HSD17B12: variants seen among roughly 807,000 people sequenced by gnomAD.
HSD17B12 encodes the protein very-long-chain 3-oxoacyl-CoA reductase.
Under a neutral mutation model 39.3 loss-of-function variants are expected in HSD17B12, and 32 were observed. The ratio of observed to expected loss-of-function variants is 0.81; its 90% confidence interval spans 0.61 to 1.09. The LOEUF (loss-of-function observed/expected upper bound fraction) is 1.09, where lower values mean the gene tolerates loss of function less well. Ranked by LOEUF, HSD17B12 falls within the 50% of genes least tolerant of loss-of-function variation. The pLI is 0.00. For missense variants in HSD17B12, 342 were observed against 382.9 expected, an observed-to-expected ratio of 0.89 and a Z score of 0.89; for synonymous variants, 150 against 146.7, an observed-to-expected ratio of 1.02 and a Z score of -0.16.
At chr11:43,645,766 G>C in the HSD17B12 span, 2 of 152,502 alleles carry the variant, frequency 1.3e-5, no homozygotes, top group African/African-American at 4.8e-5. Context: ...ATCACTTGAG[G>C]TCAGGAGTTT....
chr11:43,776,006 C>T (rs1425448442), intron 3 of HSD17B12, among the ~76,000 whole-genome samples: 3 of 151,580 alleles, frequency 2.0e-5, no homozygotes, highest in African/African-American at 4.8e-5. Flanking sequence ...TCCAGTCTAT[C>T]GTTGGACATT....
intron 9 of HSD17B12, among the ~76,000 whole-genome samples, chr11:43,842,648 C>T (rs1311357656): frequency 6.6e-6 from 1 of 152,176 alleles, no homozygotes; most frequent in Non-Finnish European, 1.5e-5. Context: ...CTATTACATT[C>T]CATGAGAAGG....
chr11:43,742,140 T>TATATATATATATATATATA (rs1554964313), intron 1 of HSD17B12, among the ~76,000 whole-genome samples: 1 of 50,920 alleles, frequency 2.0e-5, no homozygotes, highest in African/African-American at 5.4e-5. Context: ...TATATATATA[T>TATATATATATATATATATA]TTTTTTTTTT....
the HSD17B12 span, among the ~76,000 whole-genome samples, chr11:43,633,688 C>A: frequency 6.6e-6 from 1 of 152,068 alleles, no homozygotes; most frequent in East Asian, 1.9e-4. Context: ...TGGTCCCACC[C>A]TAAATGGTAT....
intron 3 of HSD17B12, among the ~76,000 whole-genome samples, chr11:43,759,498 T>C (rs1398558288): frequency 6.6e-6 from 1 of 152,194 alleles, no homozygotes; most frequent in East Asian, 1.9e-4. Flanking sequence ...TTATTATCAT[T>C]CTTAGCCAGG....
At chr11:43,620,000 G>A in the HSD17B12 span, among the ~76,000 whole-genome samples, 267 of 152,288 alleles carry the variant, frequency 1.8e-3, no homozygotes, top group African/African-American at 6.2e-3. Flanking sequence ...AGGGAAAACT[G>A]CTTTTGTGTT....
the HSD17B12 span, among the ~76,000 whole-genome samples, chr11:43,563,925 T>A: frequency 1.3e-5 from 2 of 152,194 alleles, no homozygotes; most frequent in African/African-American, 2.4e-5. Flanking sequence ...TTTTTTTCTT[T>A]TTTTTTAGAG....
At chr11:43,704,516 A>T (rs1043197837) in intron 1 of HSD17B12, among the ~76,000 whole-genome samples, 2 of 152,198 alleles carry the variant, frequency 1.3e-5, no homozygotes, top group African/African-American at 4.8e-5. Flanking sequence ...CTTGGGGAAG[A>T]TGTGGCAGAT....
At chr11:43,786,318 G>A (rs1156670126) in intron 3 of HSD17B12, among the ~76,000 whole-genome samples, 1 of 152,154 alleles carries the variant, frequency 6.6e-6, no homozygotes, top group African/African-American at 2.4e-5. Flanking sequence ...TCAAATAGAG[G>A]TTTAACAAAA....
chr11:43,630,353 G>A, the HSD17B12 span, among the ~76,000 whole-genome samples: 3 of 152,152 alleles, frequency 2.0e-5, no homozygotes, highest in Admixed American at 6.6e-5. Flanking sequence ...TGTGTTTCAG[G>A]ATGATCATTG....
chr11:43,794,340 A>T (rs1165827458), intron 3 of HSD17B12, among the ~76,000 whole-genome samples: 1 of 152,226 alleles, frequency 6.6e-6, no homozygotes, highest in South Asian at 2.1e-4. Flanking sequence ...ATTTGAATAA[A>T]TGGAGAGCCC....
intron 1 of HSD17B12, among the ~76,000 whole-genome samples, chr11:43,722,267 A>G (rs973960330): frequency 3.3e-5 from 5 of 152,220 alleles, no homozygotes; most frequent in African/African-American, 1.2e-4. Flanking sequence ...AATTGTTTTT[A>G]TCTTACAGCT....
chr11:43,714,773 A>G (rs1950105191), intron 1 of HSD17B12, among the ~76,000 whole-genome samples: 1 of 152,134 alleles, frequency 6.6e-6, no homozygotes, highest in African/African-American at 2.4e-5. Flanking sequence ...ACGTTCTTCC[A>G]TTTGTTTGTA....
At chr11:43,799,273 G>A (rs982870232) in intron 4 of HSD17B12, among the ~76,000 whole-genome samples, 2 of 151,962 alleles carry the variant, frequency 1.3e-5, no homozygotes, top group African/African-American at 4.8e-5. Context: ...ACCCCACCCT[G>A]ACCAAATTTC....
At chr11:43,636,929 G>A in the HSD17B12 span, among the ~76,000 whole-genome samples, 1 of 152,170 alleles carries the variant, frequency 6.6e-6, no homozygotes. Context: ...GGGAGGCAGT[G>A]TGTATCATTG....
chr11:43,780,360 G>C (rs924408329), intron 3 of HSD17B12, among the ~76,000 whole-genome samples: 1 of 151,988 alleles, frequency 6.6e-6, no homozygotes, highest in Non-Finnish European at 1.5e-5. Context: ...TACAGACGGG[G>C]TTTCACCATG....
At chr11:43,815,229 G>A (rs985083225) in intron 4 of HSD17B12, among the ~76,000 whole-genome samples, 2 of 152,166 alleles carry the variant, frequency 1.3e-5, no homozygotes, top group African/African-American at 4.8e-5. Context: ...GGTAGGTACA[G>A]GAAGGTTTAA....
chr11:43,796,102 A>G (rs2135040734), intron 3 of HSD17B12, among the ~76,000 whole-genome samples: 1 of 152,322 alleles, frequency 6.6e-6, no homozygotes, highest in Admixed American at 6.5e-5. Context: ...CCCTATGGCT[A>G]GAACTGAGGA....
chr11:43,736,814 C>T (rs899411981), intron 1 of HSD17B12, among the ~76,000 whole-genome samples: 1 of 152,152 alleles, frequency 6.6e-6, no homozygotes, highest in Non-Finnish European at 1.5e-5. Flanking sequence ...GTTAAGACTA[C>T]GTTAGCATTT....
Sources: allele counts gnomAD v4.1 joint callset (sites outside exome capture counted in the v4.1 genomes callset), GRCh38; gene constraint gnomAD v4.1.1; transcripts MANE v1.5; gene names NCBI Gene and HGNC (gene_info 2026-07-23, HGNC 2026-07-21).